CAMKMT: variants seen among roughly 807,000 people sequenced by gnomAD.
The protein encoded by CAMKMT is calmodulin-lysine N-methyltransferase.
Under a neutral mutation model 48.0 loss-of-function variants are expected in CAMKMT, and 53 were observed. The ratio of observed to expected loss-of-function variants is 1.10; its 90% CI spans 0.89 to 1.39. The LOEUF (loss-of-function observed/expected upper bound fraction) is 1.39. Ranked by LOEUF, CAMKMT falls within the 40% of genes most tolerant of loss-of-function variation. The probability of loss-of-function intolerance (pLI) is 0.00; values close to 1 mark genes in which losing one functional copy is unlikely to be tolerated. For missense variants in CAMKMT, 428 were observed against 402.7 expected (o/e 1.06, Z -0.54); for synonymous variants, 165 against 152.3 (o/e 1.08, Z -0.61).
chr2:44,593,763 C>CTTTT (rs61603790), intron 3 of CAMKMT, among the ~76,000 whole-genome samples: 70,993 of 121,744 alleles, frequency 0.58, 21,183 homozygotes, highest in Middle Eastern at 0.65. Flanking sequence ...AGACAACTTC[C>CTTTT]TTTTTTTTTT....
chr2:44,628,606 C>G (rs1672629742), intron 3 of CAMKMT, among the ~76,000 whole-genome samples: 1 of 151,142 alleles, frequency 6.6e-6, no homozygotes, highest in Non-Finnish European at 1.5e-5. Context: ...GTCTTGAGCT[C>G]CTAGGTTCAA....
intron 3 of CAMKMT, among the ~76,000 whole-genome samples, chr2:44,702,355 C>T (rs561210912): frequency 6.6e-6 from 1 of 152,244 alleles, no homozygotes; most frequent in African/African-American, 2.4e-5. Flanking sequence ...ATTTTGGATT[C>T]ACATATTCTC....
intron 3 of CAMKMT, among the ~76,000 whole-genome samples, chr2:44,390,751 T>C (rs1401073810): frequency 3.3e-5 from 5 of 152,192 alleles, no homozygotes; most frequent in Non-Finnish European, 5.9e-5. Flanking sequence ...CATATTTTTC[T>C]TGATGCTACT....
chr2:44,602,405 AT>A (rs1157762147), intron 3 of CAMKMT, among the ~76,000 whole-genome samples: 1 of 152,096 alleles, frequency 6.6e-6, no homozygotes, highest in Non-Finnish European at 1.5e-5. Flanking sequence ...GTTTTCCAAC[AT>A]TTTTATTAAG....
chr2:44,468,566 A>AAGAT (rs1668248691), intron 3 of CAMKMT, among the ~76,000 whole-genome samples: 13 of 152,324 alleles, frequency 8.5e-5, no homozygotes, highest in Middle Eastern at 6.8e-3. Flanking sequence ...TTATTGCAGC[A>AAGAT]CTGTTCATAG....
rs1192569791 is a variant in CAMKMT, at chr2:44,653,085, T to G, written c.377-51198T>G. Among the ~76,000 whole-genome samples, 1 of 152,228 alleles carries G rather than the reference T, an allele frequency of 6.6e-6. No individual in the cohort carries two copies. The highest frequency in any genetic ancestry group is 1.5e-5 in the Non-Finnish European group (1 of 68,038). On this transcript the variant is annotated intron_variant, in intron 3 of 10. Coordinates refer to ENST00000378494, the MANE Select transcript of CAMKMT (RefSeq NM_024766.5). This position sits in a 1 kb window ranked among gnomAD's most constrained non-coding sequence, Gnocchi z 5.2. ...TCAAATCTGGTCACTTGGCATATTC[T>G]GATTCCTCCCAGGACACATTGGCTA...
At chr2:44,366,043 A>G (rs573213077) in intron 1 of CAMKMT, among the ~76,000 whole-genome samples, 103 of 152,364 alleles carry the variant, frequency 6.8e-4, no homozygotes, top group Admixed American at 1.2e-3. Context: ...TCAAATGTTT[A>G]TAGTTGGCTT....
At chr2:44,521,853 T>C (rs1479906905) in intron 3 of CAMKMT, among the ~76,000 whole-genome samples, 2 of 112,106 alleles carry the variant, frequency 1.8e-5, no homozygotes, top group Non-Finnish European at 4.4e-5. Flanking sequence ...AGATTCTGTC[T>C]CTAAAAATAA....
intron 3 of CAMKMT, among the ~76,000 whole-genome samples, chr2:44,694,832 A>C (rs1676850303): frequency 6.6e-6 from 1 of 152,244 alleles, no homozygotes; most frequent in Non-Finnish European, 1.5e-5. Flanking sequence ...AGTATAGTGT[A>C]GTACTCTTCC....
intron 3 of CAMKMT, among the ~76,000 whole-genome samples, chr2:44,553,305 T>C (rs1667822695): frequency 6.6e-6 from 1 of 152,132 alleles, no homozygotes. Context: ...TTTTAATCTC[T>C]GTTATATATA....
chr2:44,412,718 G>A (rs1036440480), intron 3 of CAMKMT, among the ~76,000 whole-genome samples: 5 of 152,006 alleles, frequency 3.3e-5, no homozygotes, highest in Admixed American at 2.6e-4. Context: ...AAGTAAATAA[G>A]CAGTAACTTA....
At chr2:44,391,059 T>A (rs1188911976) in intron 3 of CAMKMT, among the ~76,000 whole-genome samples, 1 of 152,202 alleles carries the variant, frequency 6.6e-6, no homozygotes, top group Non-Finnish European at 1.5e-5. Context: ...GCATTTTAAA[T>A]GTAAAAATAG....
At position 44,546,572 on chromosome 2, in the gene CAMKMT, A is replaced by G. The variant is rs555620492; in HGVS notation, c.376+156267A>G. ...CAGCACTGCACTCTTGTGTTTGACA[A>G]CACTCATAATATGAATCAATATTCA... On this transcript the variant is annotated intron_variant, in intron 3 of 10. Coordinates refer to ENST00000378494, the MANE Select transcript of CAMKMT (RefSeq NM_024766.5). 7.2e-5 allele frequency among the ~76,000 whole-genome samples: 11 copies of G among 152,316 alleles called. No individual in the cohort carries two copies. The South Asian group carries it at 2.3e-3, about 32-fold the overall frequency.
intron 10 of CAMKMT, among the ~76,000 whole-genome samples, chr2:44,771,166 T>C (rs1681091770): frequency 6.6e-6 from 1 of 152,188 alleles, no homozygotes; most frequent in African/African-American, 2.4e-5. Flanking sequence ...GAGTGGGTGG[T>C]GTTTGACTAA....
intron 3 of CAMKMT, among the ~76,000 whole-genome samples, chr2:44,698,825 T>C (rs1285131086): frequency 6.6e-6 from 1 of 152,246 alleles, no homozygotes; most frequent in East Asian, 1.9e-4. Context: ...GTAGAACTTC[T>C]TTCGAAATTG....
intron 3 of CAMKMT, among the ~76,000 whole-genome samples, chr2:44,405,389 C>A (rs974981107): frequency 1.3e-5 from 2 of 151,968 alleles, no homozygotes; most frequent in African/African-American, 4.8e-5. Flanking sequence ...GAGTTATATG[C>A]TATATTCTGG....
intron 3 of CAMKMT, among the ~76,000 whole-genome samples, chr2:44,520,091 C>T (rs1444577881): frequency 6.7e-6 from 1 of 150,234 alleles, no homozygotes; most frequent in Admixed American, 6.6e-5. Context: ...TGGTGGTGGG[C>T]ACCTGTGGTC....
intron 2 of CAMKMT, among the ~76,000 whole-genome samples, chr2:44,389,557 AT>A (rs941848491): frequency 8.6e-5 from 13 of 150,828 alleles, no homozygotes; most frequent in South Asian, 4.2e-4. Flanking sequence ...ATTAGCACTA[AT>A]TTTTTTTTTC....
At chr2:44,404,385 G>T (rs557428972) in intron 3 of CAMKMT, among the ~76,000 whole-genome samples, 270 of 151,924 alleles carry the variant, frequency 1.8e-3, no homozygotes, top group African/African-American at 6.2e-3. Flanking sequence ...CTTTAGTAGG[G>T]GTGTTACTCG....
Sources: allele counts gnomAD v4.1 joint callset (sites outside exome capture counted in the v4.1 genomes callset), GRCh38; gene constraint gnomAD v4.1.1; non-coding constraint Gnocchi (gnomAD v3.1); transcripts MANE v1.5; gene names NCBI Gene and HGNC (gene_info 2026-07-23, HGNC 2026-07-21).